Variants in CAMTA1 observed in about 807,000 individuals in gnomAD.
The protein encoded by CAMTA1 is calmodulin binding transcription activator 1, also known as calmodulin-binding transcription activator 1.
A neutral mutation model predicts 170.9 loss-of-function variants in CAMTA1; 27 were observed. The observed-to-expected ratio is 0.16, with a 90% CI of 0.12 to 0.22. CAMTA1 has a LOEUF of 0.22. CAMTA1 is among the 10% of genes least tolerant of loss of function. The probability of loss-of-function intolerance (pLI) is 1.00; values close to 1 mark genes in which losing one functional copy is unlikely to be tolerated. For synonymous variants in CAMTA1, 833 were observed against 891.5 expected, an observed-to-expected ratio of 0.93 and a Z score of 1.17; for missense variants, 1,619 against 2,217.2, an observed-to-expected ratio of 0.73 and a Z score of 5.42.
chr1:6,964,397 C>T (rs1002987912), intron 3 of CAMTA1, among the ~76,000 whole-genome samples: 5 of 152,118 alleles, frequency 3.3e-5, no homozygotes, highest in African/African-American at 1.2e-4. Context: ...AACGTGATGG[C>T]TTCTCTGGAT....
chr1:7,554,786 C>T (rs1002876948), intron 6 of CAMTA1, among the ~76,000 whole-genome samples: 1 of 152,038 alleles, frequency 6.6e-6, no homozygotes, highest in Non-Finnish European at 1.5e-5. Flanking sequence ...GTTCCTGGAA[C>T]CCCTTATCTT....
chr1:6,907,932 C>A (rs1352052851), intron 3 of CAMTA1, among the ~76,000 whole-genome samples: 3 of 152,190 alleles, frequency 2.0e-5, no homozygotes, highest in Non-Finnish European at 2.9e-5. Context: ...CAGAGGCCTC[C>A]CAGCCCTATT....
intron 5 of CAMTA1, among the ~76,000 whole-genome samples, chr1:7,406,745 C>T (rs1487768267): frequency 6.6e-6 from 1 of 152,172 alleles, no homozygotes; most frequent in African/African-American, 2.4e-5. Flanking sequence ...GCCTGGGCGG[C>T]GGCTCTACCC....
intron 6 of CAMTA1, among the ~76,000 whole-genome samples, chr1:7,481,446 A>G (rs545833775): frequency 1.3e-5 from 2 of 152,230 alleles, no homozygotes; most frequent in African/African-American, 2.4e-5. Context: ...TGGACCTTCC[A>G]TGGTTCACAC....
intron 6 of CAMTA1, among the ~76,000 whole-genome samples, chr1:7,595,708 G>A (rs2095394554): frequency 6.6e-6 from 1 of 152,196 alleles, no homozygotes; most frequent in Non-Finnish European, 1.5e-5. Flanking sequence ...TTAATAAGAA[G>A]CTACATGGAG....
intron 6 of CAMTA1, among the ~76,000 whole-genome samples, chr1:7,529,887 G>T (rs2094471600): frequency 6.6e-6 from 1 of 152,206 alleles, no homozygotes; most frequent in Admixed American, 6.5e-5. Context: ...GGCTGTCCTG[G>T]GAGGCCACAT....
At chr1:6,944,263 G>T (rs1175182827) in intron 3 of CAMTA1, among the ~76,000 whole-genome samples, 1 of 152,150 alleles carries the variant, frequency 6.6e-6, no homozygotes, top group Non-Finnish European at 1.5e-5. Context: ...TTGCCTATCC[G>T]CTCGTCTGCC....
intron 4 of CAMTA1, among the ~76,000 whole-genome samples, chr1:7,103,674 C>T (rs186225407): frequency 6.4e-4 from 97 of 150,462 alleles, no homozygotes; most frequent in African/African-American, 2.4e-3. Flanking sequence ...CGCAACTACA[C>T]ACATGCACAC....
At chr1:6,999,334 T>C (rs969666355) in intron 3 of CAMTA1, among the ~76,000 whole-genome samples, 3 of 152,212 alleles carry the variant, frequency 2.0e-5, no homozygotes, top group Non-Finnish European at 4.4e-5. Context: ...TTTGGCAGGC[T>C]GTACAAGCAT....
chr1:7,434,437 T>C (rs1167736605), intron 5 of CAMTA1, among the ~76,000 whole-genome samples: 2 of 134,874 alleles, frequency 1.5e-5, no homozygotes, highest in Non-Finnish European at 3.1e-5. Context: ...CCCCTGGGGC[T>C]TAGGAGGAAA....
At chr1:7,191,315 T>A (rs949045557) in intron 4 of CAMTA1, among the ~76,000 whole-genome samples, 1 of 152,250 alleles carries the variant, frequency 6.6e-6, no homozygotes, top group Admixed American at 6.5e-5. Flanking sequence ...ATTCTCTAAT[T>A]CTGGATATAA....
chr1:7,024,597 T>G (rs546727434), intron 3 of CAMTA1, among the ~76,000 whole-genome samples: 1 of 152,348 alleles, frequency 6.6e-6, no homozygotes, highest in East Asian at 1.9e-4. Flanking sequence ...TGTTCCAGTG[T>G]TTTTGAAGTT....
chr1:7,350,849 T>C (rs1284376861), intron 5 of CAMTA1, among the ~76,000 whole-genome samples: 1 of 152,244 alleles, frequency 6.6e-6, no homozygotes, highest in Non-Finnish European at 1.5e-5. Flanking sequence ...CTCCACATTC[T>C]GCCAGGATCC....
chr1:7,256,556 TCAAAAA>T (rs1399607223), intron 5 of CAMTA1, among the ~76,000 whole-genome samples: 2 of 152,182 alleles, frequency 1.3e-5, no homozygotes, highest in African/African-American at 4.8e-5. Flanking sequence ...AGACTCCGTC[TCAAAAA>T]CAAAAACAAA....
intron 3 of CAMTA1, among the ~76,000 whole-genome samples, chr1:6,974,848 G>A (rs895286366): frequency 6.6e-6 from 1 of 152,090 alleles, no homozygotes; most frequent in South Asian, 2.1e-4. Flanking sequence ...GGGCTTAGAC[G>A]GCCTTTTGCC....
intron 3 of CAMTA1, among the ~76,000 whole-genome samples, chr1:6,864,937 T>C (rs910348443): frequency 2.0e-5 from 3 of 152,156 alleles, no homozygotes; most frequent in African/African-American, 7.2e-5. Context: ...GGATGCTTGA[T>C]AAGTATTTGT....
intron 6 of CAMTA1, among the ~76,000 whole-genome samples, chr1:7,576,048 AC>A (rs1169183116): frequency 6.6e-6 from 1 of 152,034 alleles, no homozygotes; most frequent in Admixed American, 6.6e-5. Flanking sequence ...TTGCTCTGTC[AC>A]CCAGGCTGGA....
At chr1:7,206,314 C>A (rs1221963581) in intron 4 of CAMTA1, among the ~76,000 whole-genome samples, 1 of 152,082 alleles carries the variant, frequency 6.6e-6, no homozygotes. Flanking sequence ...TTATGTCTTC[C>A]CATTTGCTGA....
intron 5 of CAMTA1, among the ~76,000 whole-genome samples, chr1:7,298,222 C>G (rs150754540): frequency 6.6e-6 from 1 of 152,094 alleles, no homozygotes; most frequent in Non-Finnish European, 1.5e-5. Flanking sequence ...CCTTCCTGTG[C>G]GGGGTGTAGG....
Sources: gnomAD v4.1 joint callset for allele counts (sites outside exome capture counted in the v4.1 genomes callset) on GRCh38, gnomAD v4.1.1 for gene constraint, MANE v1.5 for transcripts, NCBI Gene and HGNC (gene_info 2026-07-23, HGNC 2026-07-21) for gene names.